The following MEGF11 variants were observed in gnomAD, a reference collection of about 807,000 sequenced individuals.
MEGF11 encodes the protein multiple epidermal growth factor-like domains protein 11.
A neutral mutation model predicts 146.6 loss-of-function variants in MEGF11; 126 were observed. The ratio of observed to expected loss-of-function variants is 0.86; its 90% CI spans 0.74 to 1.00. MEGF11 has a LOEUF of 1.00. Among genes scored for constraint, MEGF11 ranks in the 50% least tolerant of loss-of-function variants. MEGF11 has a pLI of 0.00. For synonymous variants in MEGF11, 532 were observed against 583.4 expected (o/e 0.91, Z 1.27); for missense variants, 1,509 against 1,521.2 (o/e 0.99, Z 0.13).
chr15:66,082,514 T>TATCTATATATAAATAA (rs1555468628), intron 5 of MEGF11, among the ~76,000 whole-genome samples: 2 of 115,026 alleles, frequency 1.7e-5, no homozygotes, highest in South Asian at 6.2e-4. Context: ...TCTATCTATC[T>TATCTATATATAAATAA]ATAAATAAAT....
At chr15:66,011,373 C>T (rs150499887) in intron 5 of MEGF11, among the ~76,000 whole-genome samples, 439 of 152,270 alleles carry the variant, frequency 2.9e-3, no homozygotes, top group African/African-American at 0.01. Flanking sequence ...AAATCACTTC[C>T]TCCCTTCAGA....
chr15:66,212,720 G>A lies in MEGF11; in HGVS notation c.-9+40885C>T, dbSNP rs576777478. Among the ~76,000 whole-genome samples the A allele has an allele frequency of 3.8e-3, 573 of 151,284 alleles. 4 individuals are homozygous for A. Among genetic ancestry groups the A allele is most frequent in the African/African-American group, 0.013 (538 of 41,180 alleles). On this transcript the variant is annotated intron_variant, in intron 1 of 25. Coordinates refer to ENST00000395614, the MANE Select transcript of MEGF11 (RefSeq NM_001385028.1). Reference sequence around the variant, plus strand: ...TCCCCATGTCAGGGCCCATCCCCCAGAGGCTTGCTGGCAGATGTCCTGAGG... The same window carrying A: ...TCCCCATGTCAGGGCCCATCCCCCAAAGGCTTGCTGGCAGATGTCCTGAGG...
At chr15:65,930,064 T>G (rs1048551266) in intron 11 of MEGF11, among the ~76,000 whole-genome samples, 181 bp from the exon 12 acceptor site, 1 of 152,182 alleles carries the variant, frequency 6.6e-6, no homozygotes. Flanking sequence ...GAGCTGGGGC[T>G]AGAACCCAGG....
chr15:66,156,270 G>A (rs2089755316), intron 1 of MEGF11, among the ~76,000 whole-genome samples: 1 of 152,124 alleles, frequency 6.6e-6, no homozygotes, highest in Admixed American at 6.5e-5. Flanking sequence ...ACCCCTGGCT[G>A]GTTCTGATAG....
At chr15:66,039,623 A>G (rs1007204237) in intron 5 of MEGF11, among the ~76,000 whole-genome samples, 4 of 152,182 alleles carry the variant, frequency 2.6e-5, no homozygotes, top group Non-Finnish European at 5.9e-5. Flanking sequence ...GTTTCAACCT[A>G]GGTCTCGATT....
chr15:66,161,716 A>G (rs1180421863), intron 1 of MEGF11, among the ~76,000 whole-genome samples: 1 of 152,100 alleles, frequency 6.6e-6, no homozygotes, highest in Non-Finnish European at 1.5e-5. Flanking sequence ...CTTAATGAAT[A>G]TGATTTAAGT....
At chr15:66,119,245 AATG>A in intron 3 of MEGF11, 59 bp from the exon 4 acceptor site, 3 of 1,206,872 alleles carry the variant, frequency 2.5e-6, no homozygotes, top group Non-Finnish European at 3.6e-6. Flanking sequence ...TCCCATTTAG[AATG>A]ATATTTGTGT....
At chr15:65,942,577 G>T (rs977575435) in intron 10 of MEGF11, among the ~76,000 whole-genome samples, 8 of 152,270 alleles carry the variant, frequency 5.3e-5, no homozygotes, top group Middle Eastern at 3.4e-3. Flanking sequence ...TGTTGCTGCT[G>T]CTGACCTCAG....
In MEGF11 at chr15:66,155,848, C is replaced by T. The variant is rs1413993684; in HGVS notation, c.-8-27437G>A. 3.3e-5 allele frequency among the ~76,000 whole-genome samples: 5 copies of T among 152,334 alleles called. No homozygotes were observed. The South Asian group carries it at 6.2e-4, about 19-fold the overall frequency. On this transcript the variant is annotated intron_variant, in intron 1 of 25. Coordinates refer to ENST00000395614, the MANE Select transcript of MEGF11 (RefSeq NM_001385028.1). The stretch of plus-strand genomic sequence containing the variant: ...CTGCTGCAGCCCGCTCCTGGCCACG[C>T]CAGCTATCACCTGGATTAGAGTAAT...
intron 5 of MEGF11, among the ~76,000 whole-genome samples, chr15:66,059,977 G>A (rs2084835353): frequency 6.6e-6 from 1 of 152,126 alleles, no homozygotes; most frequent in African/African-American, 2.4e-5. Context: ...TGTCTGAGGG[G>A]GAACCTGGGA....
Position 65,898,731 on chromosome 15 carries a change from C to T in MEGF11, c.3259G>A (p.Val1087Ile), listed in dbSNP as rs752783101. 1 of 1,612,808 alleles carries T rather than the reference C, an allele frequency of 6.2e-7. No homozygotes were observed. Among genetic ancestry groups the T allele is most frequent in the Non-Finnish European group, 8.5e-7 (1 of 1,179,152 alleles). The change falls in exon 25 of 26, where the codon GTT becomes ATT. Residue 1087 changes from valine (V) to isoleucine (I), a missense_variant. By Grantham distance (29) the Val-to-Ile change is conservative (BLOSUM62 3). Coordinates refer to ENST00000395614, the MANE Select transcript of MEGF11 (RefSeq NM_001385028.1). Reference sequence around the variant, plus strand: ...GTTACTTATTTGAGACACCTACCAACTTCATATATATTTTTATTAGATGTC... The same window carrying T: ...GTTACTTATTTGAGACACCTACCAATTTCATATATATTTTTATTAGATGTC... ...LSTSNKNIYE[V>I]EPTVSVVQEG...
At chr15:66,032,780 C>A (rs2083573577) in intron 5 of MEGF11, among the ~76,000 whole-genome samples, 1 of 152,156 alleles carries the variant, frequency 6.6e-6, no homozygotes, top group African/African-American at 2.4e-5. Flanking sequence ...CTGCTTTTAA[C>A]TGATTACAGT....
Position 66,253,605 on chromosome 15 carries a change from C to T in MEGF11, c.-9G>A, listed in dbSNP as rs1462621231. ...TCGCGGTCCCCACTCAGCCACCTAC[C>T]TGCTCCCGCGGCCGGCCCAGGGATC... On this transcript the variant is annotated splice_region_variant and 5_prime_UTR_variant, in exon 1 of 26. Coordinates refer to ENST00000395614, the MANE Select transcript of MEGF11 (RefSeq NM_001385028.1). The T allele has an allele frequency of 6.6e-6, 1 of 152,160 alleles. No homozygotes were observed. Among genetic ancestry groups the T allele is most frequent in the African/African-American group, 2.4e-5 (1 of 41,426 alleles). The allele number at this position is 152,160 out of a possible 1,614,324, so 9.4% of individuals were successfully genotyped here.
chr15:66,002,087 G>A (rs575393496), intron 5 of MEGF11, among the ~76,000 whole-genome samples: 9 of 152,172 alleles, frequency 5.9e-5, no homozygotes, highest in Non-Finnish European at 1.2e-4. Context: ...GGTGAGCACA[G>A]ATCTTTTCGA....
Position 65,982,576 on chromosome 15 carries a change from C to CCGG in MEGF11, c.395-89_395-88insCCG. ...GGAACCGATGCCCATGCGGCCTTCC[C>CCGG]ATCTTTGCAGCGCTGCTCCCCGGAC... On this transcript the variant is annotated intron_variant, in intron 5 of 25. Coordinates refer to ENST00000395614, the MANE Select transcript of MEGF11 (RefSeq NM_001385028.1). The surrounding 1 kb of genome is among the most constrained non-coding windows in gnomAD (Gnocchi z 5.6). 5.1e-6 allele frequency: 7 copies of CCGG among 1,386,110 alleles called. No individual in the cohort carries two copies. Among genetic ancestry groups the CCGG allele is most frequent in the Non-Finnish European group, 6.6e-6 (7 of 1,067,500 alleles). 85.9% of individuals were successfully genotyped at this position (1,386,110 alleles called of 1,614,324 possible). A position where few individuals can be genotyped will look rare whatever the true frequency, so the allele number is the denominator to read the frequency against.
chr15:66,176,530 T>C (rs4439711), intron 1 of MEGF11, among the ~76,000 whole-genome samples: 2,100 of 152,272 alleles, frequency 0.014, 44 homozygotes, highest in African/African-American at 0.047. Flanking sequence ...ACTCAGAGCC[T>C]CAGTCACACC....
At position 65,909,794 on chromosome 15, in the gene MEGF11, A is replaced by T; in HGVS notation, c.2842T>A (p.Ser948Thr). The change falls in exon 22 of 26, where the codon TCC (serine) becomes ACC (threonine). Residue 948 changes from serine to threonine, a missense_variant. By Grantham distance (58) the Ser-to-Thr change is moderately conservative (BLOSUM62 1). Transcript: ENST00000395614. ...RNSPTKLSNK[S>T]LDRDTAGWTP... is the part of the protein sequence containing the mutation. Reference sequence around the variant, plus strand: ...CAGCCTGCTGTGTCTCTGTCAAGGGACTTGTTACTGAGCTGTTTGGAGAGT... The same window carrying T: ...CAGCCTGCTGTGTCTCTGTCAAGGGTCTTGTTACTGAGCTGTTTGGAGAGT... 6.3e-7 allele frequency: 1 copy of T among 1,580,838 alleles called. No homozygotes were observed. The highest frequency in any genetic ancestry group is 1.3e-5 in the African/African-American group (1 of 74,296).
chr15:66,024,578 G>A (rs996286042), intron 5 of MEGF11, among the ~76,000 whole-genome samples: 2 of 152,214 alleles, frequency 1.3e-5, no homozygotes, highest in African/African-American at 2.4e-5. Flanking sequence ...GCATTATGTT[G>A]TGGCATCATT....
At chr15:66,029,287 G>A (rs993067939) in intron 5 of MEGF11, among the ~76,000 whole-genome samples, 36 of 152,150 alleles carry the variant, frequency 2.4e-4, no homozygotes, top group Non-Finnish European at 8.8e-5. Flanking sequence ...GAATGTTCAA[G>A]TTCAAGGGCC....
Sources: allele counts gnomAD v4.1 joint callset (sites outside exome capture counted in the v4.1 genomes callset), GRCh38; gene constraint gnomAD v4.1.1; non-coding constraint Gnocchi (gnomAD v3.1); transcripts MANE v1.5; gene names NCBI Gene and HGNC (gene_info 2026-07-23, HGNC 2026-07-21).